The following FRAS1 variants were observed in gnomAD, a reference collection of about 807,000 sequenced individuals.
The protein encoded by FRAS1 is Fraser extracellular matrix complex subunit 1, also known as extracellular matrix organizing protein FRAS1.
Under a neutral mutation model 435.2 loss-of-function variants are expected in FRAS1, and 290 were observed. The observed-to-expected ratio is 0.67, with a 90% CI of 0.61 to 0.73. The LOEUF is 0.73. FRAS1 is among the 30% of genes least tolerant of loss of function. The pLI is 0.00. For missense variants in FRAS1, 4,860 were observed against 5,001.5 expected, an observed-to-expected ratio of 0.97 and a Z score of 0.85; for synonymous variants, 1,800 against 1,851.0, an observed-to-expected ratio of 0.97 and a Z score of 0.71.
intron 2 of FRAS1, among the ~76,000 whole-genome samples, chr4:78,147,436 G>A (rs549028015): frequency 6.6e-6 from 1 of 152,166 alleles, no homozygotes; most frequent in East Asian, 1.9e-4. Flanking sequence ...GTTTTTGAGG[G>A]GAAGCCATGT....
intron 63 of FRAS1, 124 bp downstream of exon 63, chr4:78,509,130 G>A (rs1456372520): frequency 1.9e-6 from 2 of 1,069,652 alleles, no homozygotes; most frequent in Non-Finnish European, 2.7e-6. Flanking sequence ...CAAATAAGCA[G>A]GTGCACAGTC....
intron 45 of FRAS1, 61 bp downstream of exon 45, chr4:78,450,400 A>T: frequency 7.5e-7 from 1 of 1,327,768 alleles, no homozygotes; most frequent in South Asian, 1.2e-5. Flanking sequence ...TAGTAAAATG[A>T]GAATTAAATA....
chr4:78,094,568 A>T (rs1293845290), intron 2 of FRAS1, among the ~76,000 whole-genome samples: 1 of 152,150 alleles, frequency 6.6e-6, no homozygotes, highest in Non-Finnish European at 1.5e-5. Context: ...GTTCTAATAT[A>T]TACTATGTTG....
At position 78,470,167 on chromosome 4, in the gene FRAS1, T is replaced by C. The variant is rs1395705684; in HGVS notation, c.7371+76T>C. 5 of 924,482 alleles carry C rather than the reference T, an allele frequency of 5.4e-6. No individual in the cohort carries two copies. In the African/African-American group the frequency reaches 8.2e-5, roughly 15 times the overall value. 57.3% of individuals were successfully genotyped at this position (924,482 alleles called of 1,614,324 possible). ...CTTCTTCACGACAATGACTTATGAA[T>C]AGAAGTCCAGTTCAGCTCACCTGTT... is the stretch of plus-strand genomic sequence containing the variant. On this transcript the variant is annotated intron_variant, in intron 51 of 73. Transcript: ENST00000512123.
chr4:78,322,685 A>T (rs565042746), intron 18 of FRAS1, among the ~76,000 whole-genome samples: 1 of 152,306 alleles, frequency 6.6e-6, no homozygotes, highest in Non-Finnish European at 1.5e-5. Context: ...AATACTACAG[A>T]TATTTAACTA....
At chr4:78,168,447 A>G (rs145548599) in intron 2 of FRAS1, among the ~76,000 whole-genome samples, 2 of 151,826 alleles carry the variant, frequency 1.3e-5, no homozygotes, top group East Asian at 3.9e-4. Flanking sequence ...ACTTCCCTGC[A>G]GCACCCCTGT....
At chr4:78,439,618 T>A (rs1734574143) in intron 40 of FRAS1, among the ~76,000 whole-genome samples, 1 of 152,198 alleles carries the variant, frequency 6.6e-6, no homozygotes, top group African/African-American at 2.4e-5. Context: ...TATTTTTATT[T>A]ATTTTATGTT....
intron 4 of FRAS1, 87 bp from the exon 5 acceptor site, chr4:78,252,305 A>G (rs913376949): frequency 1.5e-6 from 2 of 1,303,892 alleles, no homozygotes; most frequent in Admixed American, 3.8e-5. Flanking sequence ...CTTAATTTGG[A>G]TAAGAGAAGA....
chr4:78,283,412 T>TA (rs1727425142), intron 12 of FRAS1, among the ~76,000 whole-genome samples: 2 of 152,250 alleles, frequency 1.3e-5, no homozygotes, highest in South Asian at 4.1e-4. Context: ...AATGGGTTTT[T>TA]AAAGTGTAAA....
At chr4:78,152,848 A>T (rs1449299534) in intron 2 of FRAS1, among the ~76,000 whole-genome samples, 1 of 151,960 alleles carries the variant, frequency 6.6e-6, no homozygotes, top group East Asian at 1.9e-4. Context: ...ATATGATATG[A>T]TTATAAATTG....
rs1176825882 is a variant in FRAS1 at position 78,526,574 on chromosome 4, G to C, written c.10842G>C (p.Leu3614=). 1.2e-6 allele frequency: 2 copies of C among 1,601,334 alleles called. No homozygotes were observed. The highest frequency in any genetic ancestry group is 2.7e-5 in the African/African-American group (2 of 74,644). ...KDYSGEYTIY[L]IPCTVQPTQP... Reference sequence around the variant, plus strand: ...ACTCAGGAGAGTACACCATCTACCTGATCCCTTGCACAGTGCAGCCCACAC... The same window carrying C: ...ACTCAGGAGAGTACACCATCTACCTCATCCCTTGCACAGTGCAGCCCACAC... The change falls in exon 70 of 74, where the codon CTG becomes CTC. Residue 3614 remains leucine (L), a synonymous_variant. Transcript: ENST00000512123.
At chr4:78,126,830 A>C (rs763868342) in intron 2 of FRAS1, among the ~76,000 whole-genome samples, 4 of 152,188 alleles carry the variant, frequency 2.6e-5, no homozygotes, top group Non-Finnish European at 4.4e-5. Context: ...TTGTGTGTAT[A>C]TGTGTACCTC....
chr4:78,523,054 C>G (rs1273807365), intron 69 of FRAS1, among the ~76,000 whole-genome samples: 3 of 151,964 alleles, frequency 2.0e-5, no homozygotes, highest in Non-Finnish European at 2.9e-5. Flanking sequence ...CCACTGCACT[C>G]CAGCCTGGGC....
intron 70 of FRAS1, among the ~76,000 whole-genome samples, chr4:78,526,894 A>G (rs995092326): frequency 2.0e-5 from 3 of 152,102 alleles, no homozygotes; most frequent in South Asian, 2.1e-4. Context: ...CAAGCATCCT[A>G]TGCACAGTCT....
chr4:78,077,610 G>C (rs902419546), intron 2 of FRAS1, among the ~76,000 whole-genome samples: 1 of 151,462 alleles, frequency 6.6e-6, no homozygotes, highest in Non-Finnish European at 1.5e-5. Flanking sequence ...ACACCCTTCC[G>C]AGTCTCCATT....
chr4:78,497,886 G>C (rs1720551534), intron 60 of FRAS1, among the ~76,000 whole-genome samples: 1 of 152,178 alleles, frequency 6.6e-6, no homozygotes, highest in African/African-American at 2.4e-5. Flanking sequence ...GACCCCAGGA[G>C]ACTCAAGTTC....
At chr4:78,347,154 C>T (rs454649) in intron 20 of FRAS1, among the ~76,000 whole-genome samples, 10,257 of 152,246 alleles carry the variant, frequency 0.067, 656 homozygotes, top group African/African-American at 0.18. Context: ...TCCTTGTCCA[C>T]CCACTACTGA....
Position 78,317,422 on chromosome 4 carries a change from C to A in FRAS1, c.1874C>A (p.Ala625Asp), listed in dbSNP as rs1427033607. 1.9e-6 allele frequency: 3 copies of A among 1,613,840 alleles called. No individual in the cohort carries two copies. Among genetic ancestry groups the A allele is most frequent in the Non-Finnish European group, 2.5e-6 (3 of 1,179,884 alleles). The change falls in exon 17 of 74, where the codon GCC becomes GAC. Residue 625 changes from alanine (A) to aspartate (D), a missense_variant. Ala to Asp is a moderately radical substitution (Grantham distance 126). Coordinates refer to ENST00000512123, the MANE Select transcript of FRAS1 (RefSeq NM_025074.7). ...CSGPTPSHCT[A>D]CSPPKALRQG... is the part of the protein sequence containing the mutation. ...GGGCCCACACCCTCTCACTGTACAG[C>A]CTGCAGCCCCCCCAAGGCTCTGCGT...
chr4:78,077,673 T>C (rs963223321), intron 2 of FRAS1, among the ~76,000 whole-genome samples: 1 of 152,124 alleles, frequency 6.6e-6, no homozygotes, highest in East Asian at 1.9e-4. Context: ...AGCTCCCACT[T>C]ATAAATGAGG....
Sources: allele counts gnomAD v4.1 joint callset (sites outside exome capture counted in the v4.1 genomes callset), GRCh38; gene constraint gnomAD v4.1.1; transcripts MANE v1.5; gene names NCBI Gene and HGNC (gene_info 2026-07-23, HGNC 2026-07-21).